The following CDO1 variants were observed in gnomAD, a reference collection of about 807,000 sequenced individuals.
CDO1 encodes cysteine dioxygenase, type I.
A neutral mutation model predicts 24.5 loss-of-function variants in CDO1; 19 were observed. The observed-to-expected ratio is 0.77, with a 90% CI of 0.54 to 1.14. The LOEUF is 1.14. Among genes scored for constraint, CDO1 ranks in the 50% most tolerant of loss-of-function variants. The pLI, the probability that CDO1 is intolerant of heterozygous loss-of-function variation, is 0.00. For missense variants in CDO1, 244 were observed against 244.8 expected (o/e 1.00, Z 0.02); for synonymous variants, 91 against 87.0 (o/e 1.05, Z -0.26).
intron 1 of CDO1, among the ~76,000 whole-genome samples, chr5:115,814,683 C>T (rs1157628408): frequency 2.6e-5 from 4 of 152,154 alleles, no homozygotes; most frequent in African/African-American, 4.8e-5. Flanking sequence ...CTTGAAAATA[C>T]ACTTGTTCTA....
At chr5:115,811,620 C>T (rs1760192815) in intron 2 of CDO1, among the ~76,000 whole-genome samples, 1 of 152,132 alleles carries the variant, frequency 6.6e-6, no homozygotes, top group Non-Finnish European at 1.5e-5. Context: ...ACCAGCAACA[C>T]TTTATCTTCC....
chr5:115,808,985 A>C (rs965342078), intron 3 of CDO1, among the ~76,000 whole-genome samples: 3 of 152,200 alleles, frequency 2.0e-5, no homozygotes, highest in Admixed American at 2.0e-4. Context: ...ATCTTTGAAC[A>C]AGCCACACAT....
In CDO1 at chr5:115,805,109, C is replaced by A; in HGVS notation, c.*324G>T. ...TTCTTGCTAATTACAGTTCAGAGAC[C>A]AAAGTATTTCCAAAAGCTATGAAAA... On this transcript the variant is annotated 3_prime_UTR_variant, in exon 5 of 5. Transcript: ENST00000250535. 3.7e-6 allele frequency: 1 copy of A among 270,320 alleles called. No homozygotes were observed. 16.7% of individuals were successfully genotyped at this position (270,320 alleles called of 1,614,324 possible).
chr5:115,810,422 T>C (rs546776637), intron 3 of CDO1, among the ~76,000 whole-genome samples: 17 of 152,300 alleles, frequency 1.1e-4, no homozygotes, highest in African/African-American at 4.1e-4. Context: ...ATGAAGAACA[T>C]AGGTTTTTCA....
intron 2 of CDO1, among the ~76,000 whole-genome samples, chr5:115,812,486 T>C (rs2112689660): frequency 6.6e-6 from 1 of 152,328 alleles, no homozygotes; most frequent in South Asian, 2.1e-4. Context: ...GCAATGCTTT[T>C]CTAGCTTCAA....
chr5:115,811,368 C>T lies in CDO1; in HGVS notation c.249-53G>A, dbSNP rs1324930471. 15 of 1,366,300 alleles carry T rather than the reference C, an allele frequency of 1.1e-5. No individual in the cohort carries two copies. In the Admixed American group the frequency reaches 2.1e-4, roughly 19 times the overall value. The allele number at this position is 1,366,300 out of a possible 1,614,324, so 84.6% of individuals were successfully genotyped here. On this transcript the variant is annotated intron_variant, in intron 2 of 4. Transcript: ENST00000250535. ...CTCAGTAGATGGTCTAGTATCCAGACCTGCAGTAACAGTCTTCCCAGAACT... is the reference window on the plus strand; with the variant it reads ...CTCAGTAGATGGTCTAGTATCCAGATCTGCAGTAACAGTCTTCCCAGAACT...
chr5:115,807,525 T>C (rs1759998535), intron 3 of CDO1, among the ~76,000 whole-genome samples: 1 of 152,074 alleles, frequency 6.6e-6, no homozygotes, highest in Admixed American at 6.5e-5. Flanking sequence ...AAACCTATCA[T>C]TAATGTTTTC....
At chr5:115,814,407 G>C (rs918217228) in intron 1 of CDO1, 1 of 152,102 alleles carries the variant, frequency 6.6e-6, no homozygotes. Context: ...TGGCCCACAC[G>C]GGAGCATATT....
intron 1 of CDO1, 75 bp from the exon 2 acceptor site, chr5:115,813,333 C>A: frequency 2.6e-6 from 2 of 784,238 alleles, no homozygotes; most frequent in South Asian, 1.5e-5. Context: ...AGTGTGTCAC[C>A]AAGTACCATT....
At chr5:115,811,592 T>C (rs1282602914) in intron 2 of CDO1, among the ~76,000 whole-genome samples, 2 of 152,212 alleles carry the variant, frequency 1.3e-5, no homozygotes, top group African/African-American at 2.4e-5. Context: ...TATACTACTT[T>C]GATAACAGAA....
chr5:115,807,439 C>G (rs1312832252), intron 3 of CDO1, among the ~76,000 whole-genome samples: 1 of 151,954 alleles, frequency 6.6e-6, no homozygotes, highest in Non-Finnish European at 1.5e-5. Flanking sequence ...TGAGCAAGGC[C>G]TCTAGTATGA....
intron 3 of CDO1, among the ~76,000 whole-genome samples, chr5:115,809,442 C>T (rs571074539): frequency 1.3e-3 from 192 of 152,098 alleles, no homozygotes; most frequent in Non-Finnish European, 2.1e-3. Context: ...GCCACCAAAT[C>T]GATCAAGATA....
At chr5:115,814,561 A>G (rs1760342416) in intron 1 of CDO1, 2 of 152,348 alleles carry the variant, frequency 1.3e-5, no homozygotes, top group African/African-American at 4.8e-5. Flanking sequence ...CCTCGGGACT[A>G]CATCCATTAT....
chr5:115,806,234 A>G, intron 4 of CDO1, 115 bp downstream of exon 4: 2 of 545,856 alleles, frequency 3.7e-6, no homozygotes, highest in East Asian at 6.6e-5. Context: ...TAAATAAAAC[A>G]ATCAAGATAT....
In CDO1 at chr5:115,805,223, A is replaced by G; in HGVS notation, c.*210T>C. ...AAAACTTGCCTTTAAAAATCACAAG[A>G]CTTTCTTTTCCTCAGTGGGACTTTT... On this transcript the variant is annotated 3_prime_UTR_variant, in exon 5 of 5. Transcript: ENST00000250535. The G allele has an allele frequency of 2.0e-6, 1 of 494,264 alleles. No homozygotes were observed. The highest frequency in any genetic ancestry group is 3.6e-6 in the Non-Finnish European group (1 of 279,164). 30.6% of individuals were successfully genotyped at this position (494,264 alleles called of 1,614,324 possible).
intron 2 of CDO1, 96 bp downstream of exon 2, chr5:115,813,085 T>TA (rs1265394680): frequency 5.3e-6 from 3 of 571,358 alleles, no homozygotes; most frequent in Non-Finnish European, 9.3e-6. Flanking sequence ...TGAGATTTGT[T>TA]ACTACTTGTA....
intron 1 of CDO1, chr5:115,814,516 C>T (rs1162475004): frequency 1.3e-5 from 2 of 152,492 alleles, no homozygotes; most frequent in East Asian, 1.9e-4. Context: ...GTAGAATTGA[C>T]TTCTCTCCCA....
At position 115,815,358 on chromosome 5, in the gene CDO1, A is replaced by G. The variant is rs369383549; in HGVS notation, c.170+870T>C. Among the ~76,000 whole-genome samples the G allele has an allele frequency of 7.2e-5, 11 of 152,144 alleles. No individual in the cohort carries two copies. In the South Asian group the frequency reaches 2.1e-3, roughly 29 times the overall value. On this transcript the variant is annotated intron_variant, in intron 1 of 4. Transcript: ENST00000250535. ...GACTTAATCACCAAGCCGGGGCTGC[A>G]AAAAAGCCAGCTTACCAGGGCACCT...
In CDO1 at chr5:115,816,449, A is replaced by T; in HGVS notation, c.-52T>A. On this transcript the variant is annotated 5_prime_UTR_variant, in exon 1 of 5. Transcript: ENST00000250535. ...TCTCACTGCTGGGCTGCGGTGGAGG[A>T]GCTGAGCGAGCCAAGGAGCTGGGGG... is the stretch of plus-strand genomic sequence containing the variant. The T allele has an allele frequency of 1.3e-6, 2 of 1,595,524 alleles. No homozygotes were observed. Among genetic ancestry groups the T allele is most frequent in the South Asian group, 1.1e-5 (1 of 89,970 alleles).
Sources: allele counts gnomAD v4.1 joint callset (sites outside exome capture counted in the v4.1 genomes callset), GRCh38; gene constraint gnomAD v4.1.1; transcripts MANE v1.5; gene names NCBI Gene and HGNC (gene_info 2026-07-23, HGNC 2026-07-21).